MMP26: variants seen among roughly 807,000 people sequenced by gnomAD.
The protein encoded by MMP26 is matrix metalloproteinase-26.
Under a neutral mutation model 31.0 loss-of-function variants are expected in MMP26, and 33 were observed. That is an observed-to-expected ratio of 1.06 (90% CI 0.81 to 1.42). The LOEUF is 1.42. Ranked by LOEUF, MMP26 falls within the 40% of genes most tolerant of loss-of-function variation. The pLI is 0.00. For missense variants in MMP26, 347 were observed against 316.1 expected (o/e 1.10, Z -0.74); for synonymous variants, 122 against 114.9 (o/e 1.06, Z -0.40).
chr11:4,810,305 T>A (rs12807441), intron 2 of MMP26, among the ~76,000 whole-genome samples: 28,319 of 151,882 alleles, frequency 0.19, 2,899 homozygotes, highest in Middle Eastern at 0.27. Flanking sequence ...AAACTGCTGA[T>A]ATGTAAGTCG....
intron 2 of MMP26, among the ~76,000 whole-genome samples, chr11:4,817,278 G>C (rs905392310): frequency 1.3e-5 from 2 of 152,094 alleles, no homozygotes; most frequent in African/African-American, 4.8e-5. Context: ...TGCATAGCAG[G>C]AAGTAGAATC....
intron 2 of MMP26, chr11:4,924,099 G>T: frequency 6.2e-7 from 1 of 1,614,152 alleles, no homozygotes; most frequent in East Asian, 2.2e-5. Flanking sequence ...AGCACAGTGG[G>T]CAGTGTGGAA....
intron 2 of MMP26, chr11:4,822,094 C>T (rs1460499570): frequency 2.2e-5 from 35 of 1,613,154 alleles, no homozygotes; most frequent in Non-Finnish European, 2.7e-5. Context: ...CCTGATCATT[C>T]GATCTGTCCT....
chr11:4,793,024 T>C (rs990611900), intron 2 of MMP26, among the ~76,000 whole-genome samples: 1 of 152,216 alleles, frequency 6.6e-6, no homozygotes, highest in African/African-American at 2.4e-5. Flanking sequence ...AAGTAACAGA[T>C]TTAAGTGACC....
chr11:4,764,958 G>C (rs1169895072), intron 1 of MMP26, among the ~76,000 whole-genome samples: 2 of 152,068 alleles, frequency 1.3e-5, no homozygotes, highest in Non-Finnish European at 2.9e-5. Context: ...CTGAGTATTT[G>C]AAACTTCAAG....
intron 2 of MMP26, among the ~76,000 whole-genome samples, chr11:4,978,918 G>A (rs139923220): frequency 1.4e-4 from 21 of 152,230 alleles, no homozygotes; most frequent in Admixed American, 2.6e-4. Flanking sequence ...AAGAAGTTAC[G>A]AGAATAAGAT....
intron 3 of MMP26, among the ~76,000 whole-genome samples, chr11:4,989,011 G>C (rs1846951388): frequency 6.6e-6 from 1 of 152,184 alleles, no homozygotes; most frequent in Non-Finnish European, 1.5e-5. Context: ...AATAGATCAA[G>C]CTGTATCAGA....
intron 2 of MMP26, among the ~76,000 whole-genome samples, chr11:4,927,194 T>C (rs1180862583): frequency 6.6e-6 from 1 of 152,220 alleles, no homozygotes; most frequent in African/African-American, 2.4e-5. Context: ...TTGCATACAA[T>C]GTTGTTAACT....
chr11:4,849,110 G>T, intron 2 of MMP26: 1 of 1,614,180 alleles, frequency 6.2e-7, no homozygotes, highest in South Asian at 1.1e-5. Flanking sequence ...ATGTCCACCA[G>T]GAGGGTGCAC....
At position 4,783,204 on chromosome 11, in the gene MMP26, T is replaced by G. The variant is rs149142150; in HGVS notation, c.-145+15863T>G. Among the ~76,000 whole-genome samples the G allele has an allele frequency of 2.9e-3, 436 of 152,270 alleles. 5 individuals carry two copies. Among genetic ancestry groups the G allele is most frequent in the Non-Finnish European group, 3.6e-3 (248 of 68,016 alleles). ...ACACCAGCCTGTGAAAGCAACCAGGTGGGAGGATGTACCTTGTAAGGCCAC... is the reference window on the plus strand; with the variant it reads ...ACACCAGCCTGTGAAAGCAACCAGGGGGGAGGATGTACCTTGTAAGGCCAC... On this transcript the variant is annotated intron_variant, in intron 2 of 7. Coordinates refer to ENST00000380390, the MANE Select transcript of MMP26 (RefSeq NM_021801.5).
intron 2 of MMP26, among the ~76,000 whole-genome samples, chr11:4,776,142 C>A (rs1306986674): frequency 6.6e-6 from 1 of 152,006 alleles, no homozygotes; most frequent in Non-Finnish European, 1.5e-5. Context: ...TTTTTTGTGA[C>A]CAAGTAGTAT....
intron 2 of MMP26, among the ~76,000 whole-genome samples, chr11:4,822,640 A>C (rs898703144): frequency 6.6e-6 from 1 of 152,220 alleles, no homozygotes; most frequent in African/African-American, 2.4e-5. Flanking sequence ...ATAAAGTATT[A>C]ATTCAGGCTC....
At chr11:4,740,631 C>T (rs570601034) in intron 1 of MMP26, among the ~76,000 whole-genome samples, 4 of 149,390 alleles carry the variant, frequency 2.7e-5, no homozygotes, top group Non-Finnish European at 4.4e-5. Context: ...TGCAGTGAGC[C>T]GAGATTGCAC....
chr11:4,788,035 G>A (rs1848972536), intron 2 of MMP26, among the ~76,000 whole-genome samples: 1 of 152,066 alleles, frequency 6.6e-6, no homozygotes, highest in Non-Finnish European at 1.5e-5. Flanking sequence ...GCTCTTCCTG[G>A]ATATCATGCT....
chr11:4,866,612 G>A (rs187357459), intron 2 of MMP26, among the ~76,000 whole-genome samples: 2 of 152,066 alleles, frequency 1.3e-5, no homozygotes, highest in Non-Finnish European at 2.9e-5. Context: ...CCAAAAAAGA[G>A]CCTGAATAGC....
intron 2 of MMP26, among the ~76,000 whole-genome samples, chr11:4,784,801 T>G (rs1467349858): frequency 1.3e-5 from 2 of 152,238 alleles, no homozygotes; most frequent in East Asian, 3.8e-4. Flanking sequence ...GCATTATTCT[T>G]TAAAAATTTT....
intron 2 of MMP26, chr11:4,914,684 G>A (rs187421375): frequency 3.8e-5 from 56 of 1,464,024 alleles, no homozygotes; most frequent in Middle Eastern, 1.8e-4. Context: ...ACAAGGGCAC[G>A]TTTCAGGAGA....
At chr11:4,952,208 G>C (rs1197949732) in intron 2 of MMP26, among the ~76,000 whole-genome samples, 2 of 124,024 alleles carry the variant, frequency 1.6e-5, no homozygotes, top group Non-Finnish European at 3.7e-5. Context: ...ATTTTATTAA[G>C]ACTGCCCAAA....
intron 2 of MMP26, among the ~76,000 whole-genome samples, chr11:4,929,054 C>G (rs1179396379): frequency 6.6e-6 from 1 of 152,002 alleles, no homozygotes. Context: ...TGCCGAAGCT[C>G]GTTAAGTGAA....
Sources: allele counts gnomAD v4.1 joint callset (sites outside exome capture counted in the v4.1 genomes callset), GRCh38; gene constraint gnomAD v4.1.1; transcripts MANE v1.5; gene names NCBI Gene and HGNC (gene_info 2026-07-23, HGNC 2026-07-21).